The following ST8SIA1 variants were observed in gnomAD, a reference collection of about 807,000 sequenced individuals.
ST8SIA1 encodes the protein ST8 alpha-N-acetyl-neuraminide alpha-2,8-sialyltransferase 1.
ST8SIA1 carries 16 observed loss-of-function variants against 35.9 expected under a neutral mutation model. The ratio of observed to expected loss-of-function variants is 0.45; its 90% confidence interval spans 0.30 to 0.68. ST8SIA1 has a LOEUF of 0.68. Ranked by LOEUF, ST8SIA1 falls within the 30% of genes least tolerant of loss-of-function variation. The probability of loss-of-function intolerance (pLI) is 0.09; values close to 1 mark genes in which losing one functional copy is unlikely to be tolerated. For missense variants in ST8SIA1, 383 were observed against 453.6 expected (o/e 0.84, Z 1.41); for synonymous variants, 170 against 169.6 (o/e 1.00, Z -0.02).
chr12:22,325,397 CA>C (rs1286345212), intron 1 of ST8SIA1: 1 of 699,602 alleles, frequency 1.4e-6, no homozygotes, highest in Non-Finnish European at 2.6e-6. Context: ...TTCCTCCTGG[CA>C]CCTAATTAGA....
At chr12:22,262,954 G>A (rs1016560057) in intron 2 of ST8SIA1, among the ~76,000 whole-genome samples, 1 of 152,114 alleles carries the variant, frequency 6.6e-6, no homozygotes, top group Non-Finnish European at 1.5e-5. Flanking sequence ...CTTAAATATA[G>A]ATTTCTTGAA....
At chr12:22,223,014 T>C (rs897461829) in intron 4 of ST8SIA1, among the ~76,000 whole-genome samples, 2 of 152,176 alleles carry the variant, frequency 1.3e-5, no homozygotes, top group Admixed American at 6.5e-5. Context: ...GAAACAGCCA[T>C]GGATATATTT....
chr12:22,259,102 C>G (rs1865758439), intron 2 of ST8SIA1, among the ~76,000 whole-genome samples: 1 of 152,118 alleles, frequency 6.6e-6, no homozygotes, highest in Non-Finnish European at 1.5e-5. Flanking sequence ...CTCCTTCTAG[C>G]AGAGTCTCCC....
intron 4 of ST8SIA1, among the ~76,000 whole-genome samples, chr12:22,216,197 A>G (rs1285582736): frequency 6.6e-6 from 1 of 152,190 alleles, no homozygotes; most frequent in Admixed American, 6.5e-5. Context: ...TCTCTAACGC[A>G]TAATTCTCAA....
Position 22,334,577 on chromosome 12 carries a change from C to G in ST8SIA1, c.-345G>C, listed in dbSNP as rs757057209. 2 of 338,742 alleles carry G rather than the reference C, an allele frequency of 5.9e-6. No individual in the cohort carries two copies. The highest frequency in any genetic ancestry group is 1.1e-5 in the Non-Finnish European group (2 of 181,662). The allele number at this position is 338,742 out of a possible 1,614,324, so 21.0% of individuals were successfully genotyped here. On this transcript the variant is annotated 5_prime_UTR_variant, in exon 1 of 5. Coordinates refer to ENST00000396037, the MANE Select transcript of ST8SIA1 (RefSeq NM_003034.4). ...CCCGCCGGTTCTGCAGCATCACGGT[C>G]GCCCTCGGCGAGGGTCCGGGAGAAG...
intron 1 of ST8SIA1, among the ~76,000 whole-genome samples, chr12:22,328,039 G>T (rs2135847201): frequency 6.6e-6 from 1 of 152,324 alleles, no homozygotes; most frequent in Middle Eastern, 3.4e-3. Context: ...ATATTTGGTT[G>T]TCTCATTTAG....
intron 2 of ST8SIA1, among the ~76,000 whole-genome samples, chr12:22,258,882 T>C (rs958322229): frequency 6.6e-6 from 1 of 152,196 alleles, no homozygotes; most frequent in Non-Finnish European, 1.5e-5. Flanking sequence ...ATAGTCCTAG[T>C]TATAAACATT....
intron 1 of ST8SIA1, among the ~76,000 whole-genome samples, chr12:22,305,546 A>G (rs184559176): frequency 7.2e-5 from 11 of 151,906 alleles, no homozygotes; most frequent in Admixed American, 3.9e-4. Context: ...ATGCCCAGAT[A>G]ATTTTTGTAT....
rs572248257 is a variant in ST8SIA1 at position 22,322,243 on chromosome 12, G to C, written c.236+11754C>G. Among the ~76,000 whole-genome samples, 11 of 152,330 alleles carry C rather than the reference G, an allele frequency of 7.2e-5. No individual in the cohort carries two copies. The South Asian group carries it at 2.3e-3, about 32-fold the overall frequency. Reference sequence around the variant, plus strand: ...GTTTTTCCTCCCATATAAAGAAGTGGAGAGACTGGAGAATGTTGCTGCTCC... The same window carrying C: ...GTTTTTCCTCCCATATAAAGAAGTGCAGAGACTGGAGAATGTTGCTGCTCC... On this transcript the variant is annotated intron_variant, in intron 1 of 4. Transcript: ENST00000396037.
In ST8SIA1 at chr12:22,334,201, G is replaced by C; in HGVS notation, c.32C>G (p.Thr11Arg). Residue 11 changes from threonine (T) to arginine (R), a missense_variant, in exon 1 of 5, where the codon ACG (threonine) becomes AGG (arginine). Coordinates refer to ENST00000396037, the MANE Select transcript of ST8SIA1 (RefSeq NM_003034.4). ...CAGTACAGCCATGGCCCCTCTGGAC[G>C]TTTGTCGCCGGGCCCGCCCGCAGGG... is the stretch of plus-strand genomic sequence containing the variant. MSPCGRARRQ[T>R]SRGAMAVLAW... 3 of 1,613,428 alleles carry C rather than the reference G, an allele frequency of 1.9e-6. No individual in the cohort carries two copies. Among genetic ancestry groups the C allele is most frequent in the Non-Finnish European group, 1.7e-6 (2 of 1,179,708 alleles).
At chr12:22,256,688 G>T (rs1865731743) in intron 2 of ST8SIA1, among the ~76,000 whole-genome samples, 1 of 152,168 alleles carries the variant, frequency 6.6e-6, no homozygotes, top group African/African-American at 2.4e-5. Flanking sequence ...ATAAGAAGAG[G>T]ATTTTATTCC....
intron 4 of ST8SIA1, among the ~76,000 whole-genome samples, chr12:22,203,812 A>T (rs2284848): frequency 1.3e-5 from 2 of 151,972 alleles, no homozygotes; most frequent in East Asian, 1.9e-4. Context: ...CCAATCATAT[A>T]GACACACTGT....
At chr12:22,297,406 G>C (rs191154377) in intron 1 of ST8SIA1, among the ~76,000 whole-genome samples, 8 of 150,482 alleles carry the variant, frequency 5.3e-5, no homozygotes, top group Non-Finnish European at 1.2e-4. Flanking sequence ...AATTTTTCCA[G>C]ATCCTAATTG....
At chr12:22,307,006 G>A (rs1339950289) in intron 1 of ST8SIA1, among the ~76,000 whole-genome samples, 1 of 152,080 alleles carries the variant, frequency 6.6e-6, no homozygotes, top group East Asian at 1.9e-4. Context: ...CCTACCCTTT[G>A]TGAAAGCAGT....
rs747292197 is a variant in ST8SIA1, at chr12:22,199,731, C to A, written c.*1821G>T. 1 of 152,040 alleles carries A rather than the reference C, an allele frequency of 6.6e-6. No homozygotes were observed. The highest frequency in any genetic ancestry group is 1.5e-5 in the Non-Finnish European group (1 of 67,984). 9.4% of individuals were successfully genotyped at this position (152,040 alleles called of 1,614,324 possible). ...ATGTAGAATTTTGCCAAGGGCTTTC[C>A]TATGTTTATGTCATGTTAAATTAAC... On this transcript the variant is annotated 3_prime_UTR_variant, in exon 5 of 5. Coordinates refer to ENST00000396037, the MANE Select transcript of ST8SIA1 (RefSeq NM_003034.4).
At chr12:22,209,699 A>G (rs915581107) in intron 4 of ST8SIA1, among the ~76,000 whole-genome samples, 41 of 152,178 alleles carry the variant, frequency 2.7e-4, no homozygotes, top group Non-Finnish European at 2.9e-5. Flanking sequence ...AGCTCCTCAT[A>G]GAAGCCTTTA....
intron 4 of ST8SIA1, among the ~76,000 whole-genome samples, chr12:22,245,358 G>A (rs954464987): frequency 2.6e-5 from 4 of 152,086 alleles, no homozygotes; most frequent in Admixed American, 6.6e-5. Context: ...GTTTAATTAA[G>A]TGTATCATAT....
chr12:22,225,030 A>C (rs534395776), intron 4 of ST8SIA1, among the ~76,000 whole-genome samples: 1 of 152,288 alleles, frequency 6.6e-6, no homozygotes, highest in East Asian at 1.9e-4. Flanking sequence ...GCAGAGATGG[A>C]GTGCTGAGTC....
chr12:22,203,201 G>A (rs1865069483), intron 4 of ST8SIA1, among the ~76,000 whole-genome samples: 1 of 152,102 alleles, frequency 6.6e-6, no homozygotes, highest in African/African-American at 2.4e-5. Context: ...AAGAGAGAGA[G>A]AGAAAGAGAG....
Sources: allele counts gnomAD v4.1 joint callset (sites outside exome capture counted in the v4.1 genomes callset), GRCh38; gene constraint gnomAD v4.1.1; transcripts MANE v1.5; gene names NCBI Gene and HGNC (gene_info 2026-07-23, HGNC 2026-07-21).